The following MFSD6 variants were observed in gnomAD, a reference collection of about 807,000 sequenced individuals.
MFSD6 encodes major facilitator superfamily domain-containing protein 6.
MFSD6 carries 26 observed loss-of-function variants against 56.3 expected under a neutral mutation model. That is an observed-to-expected ratio of 0.46 (90% CI 0.34 to 0.64). The LOEUF is 0.64. Among genes scored for constraint, MFSD6 ranks in the 30% least tolerant of loss-of-function variants. MFSD6 has a pLI of 0.01. For missense variants in MFSD6, 750 were observed against 986.2 expected (o/e 0.76, Z 3.21); for synonymous variants, 331 against 366.9 (o/e 0.90, Z 1.12).
rs1690057126 is a variant in MFSD6, at chr2:190,502,218, GA to G, written c.*2001del. ...GCAGTCATTTCCAGCCTTGTGAGCT[GA>G]CACCTTCATGGGTTTGTGGACTTTG... On this transcript the variant is annotated 3_prime_UTR_variant, in exon 8 of 8. Transcript: ENST00000392328. The surrounding 1 kb of genome is among the most constrained non-coding windows in gnomAD (Gnocchi z 4.4). The G allele has an allele frequency of 1.3e-5, 2 of 152,096 alleles. No individual in the cohort carries two copies. Among genetic ancestry groups the G allele is most frequent in the South Asian group, 4.1e-4 (2 of 4,822 alleles). 9.4% of individuals were successfully genotyped at this position (152,096 alleles called of 1,614,324 possible).
In MFSD6 at chr2:190,474,410, A is replaced by G. The variant is rs867712626; in HGVS notation, c.1630+4555A>G. Among the ~76,000 whole-genome samples the G allele has an allele frequency of 3.3e-5, 5 of 152,372 alleles. No individual in the cohort carries two copies. In the South Asian group the frequency reaches 1.0e-3, roughly 32 times the overall value. ...TCACCACCGATCCCACAGAAATACA[A>G]ACTACCATCAGAGAATACTATAAAC... On this transcript the variant is annotated intron_variant, in intron 4 of 7. Transcript: ENST00000392328.
In MFSD6 at chr2:190,499,869, A is replaced by G. The variant is rs1454026468; in HGVS notation, c.2173-146A>G. 7 of 1,551,692 alleles carry G rather than the reference A, an allele frequency of 4.5e-6. No homozygotes were observed. The highest frequency in any genetic ancestry group is 6.1e-6 in the Non-Finnish European group (7 of 1,147,318). Reference sequence around the variant, plus strand: ...AAGGAGATGAAAGGTAAGACATTCTATCCTTATTCCTCTATTACTTGGTCC... The same window carrying G: ...AAGGAGATGAAAGGTAAGACATTCTGTCCTTATTCCTCTATTACTTGGTCC... On this transcript the variant is annotated intron_variant, in intron 7 of 7. Coordinates refer to ENST00000392328, the MANE Select transcript of MFSD6 (RefSeq NM_017694.4). The surrounding 1 kb of genome is among the most constrained non-coding windows in gnomAD (Gnocchi z 6.0).
At chr2:190,409,295 A>G (rs989150485) in intron 1 of MFSD6, among the ~76,000 whole-genome samples, 1 of 152,184 alleles carries the variant, frequency 6.6e-6, no homozygotes, top group African/African-American at 2.4e-5. Context: ...CGTTAATCCC[A>G]TCCCCACATG....
chr2:190,437,247 G>A lies in MFSD6; in HGVS notation c.1218G>A (p.Val406=). ...ACGATGATTCTAAAGGGAAAGAGGT[G>A]GAGATCCCGCAGGTGGAAAGGAACA... is the stretch of plus-strand genomic sequence containing the variant. The part of the protein sequence containing the change: ...FKNDDSKGKE[V]EIPQVERNNS... Residue 406 remains valine, a synonymous_variant, in exon 3 of 8, where the codon GTG becomes GTA. Transcript: ENST00000392328. The surrounding 1 kb of genome is among the most constrained non-coding windows in gnomAD (Gnocchi z 5.9). 6.2e-7 allele frequency: 1 copy of A among 1,614,190 alleles called. No homozygotes were observed. Among genetic ancestry groups the A allele is most frequent in the Non-Finnish European group, 8.5e-7 (1 of 1,180,038 alleles).
rs1169968425 is a variant in MFSD6, at chr2:190,438,567, C to G, written c.1532+1006C>G. ...TAGTGTTTCTTGTTGTGTACTATTT[C>G]TTCTCACCATTAATGTGCACCTTGC... On this transcript the variant is annotated intron_variant, in intron 3 of 7. Transcript: ENST00000392328. The surrounding 1 kb of genome is among the most constrained non-coding windows in gnomAD (Gnocchi z 5.2). Among the ~76,000 whole-genome samples the G allele has an allele frequency of 6.6e-6, 1 of 152,160 alleles. No homozygotes were observed. The highest frequency in any genetic ancestry group is 1.5e-5 in the Non-Finnish European group (1 of 68,026).
chr2:190,419,204 C>A (rs1320191991), intron 2 of MFSD6, among the ~76,000 whole-genome samples: 1 of 152,128 alleles, frequency 6.6e-6, no homozygotes, highest in Non-Finnish European at 1.5e-5. Flanking sequence ...AAAGCTCTAT[C>A]CTGGAAGAAG....
At chr2:190,429,037 T>C (rs372204451) in intron 2 of MFSD6, among the ~76,000 whole-genome samples, 2 of 152,124 alleles carry the variant, frequency 1.3e-5, no homozygotes, top group African/African-American at 2.4e-5. Flanking sequence ...TTTTAATGCT[T>C]TCACTGGCGA....
At position 190,437,589 on chromosome 2, in the gene MFSD6, C is replaced by G. The variant is rs779714480; in HGVS notation, c.1532+28C>G. On this transcript the variant is annotated intron_variant, in intron 3 of 7. Coordinates refer to ENST00000392328, the MANE Select transcript of MFSD6 (RefSeq NM_017694.4). The surrounding 1 kb of genome is among the most constrained non-coding windows in gnomAD (Gnocchi z 5.9). ...AAGAACATGCTTACGATTGCTGCCC[C>G]TCAGCAATTGAACTTTATCTTTTTA... is the stretch of plus-strand genomic sequence containing the variant. The G allele has an allele frequency of 6.3e-7, 1 of 1,591,896 alleles. No individual in the cohort carries two copies. Among genetic ancestry groups the G allele is most frequent in the South Asian group, 1.1e-5 (1 of 88,888 alleles).
rs1362339683 is a variant in MFSD6, at chr2:190,436,873, C to A, written c.844C>A (p.Gln282Lys). The change falls in exon 3 of 8, where the codon CAA becomes AAA. Residue 282 changes from glutamine (Q) to lysine (K), a missense_variant. Physicochemically the swap from Gln to Lys is moderately conservative, Grantham distance 53. Around this residue, in one of 5 missense-constraint regions of MFSD6, gnomAD observed 376 missense variants for 437.9 expected, o/e 0.86. Coordinates refer to ENST00000392328, the MANE Select transcript of MFSD6 (RefSeq NM_017694.4). The surrounding 1 kb of genome is among the most constrained non-coding windows in gnomAD (Gnocchi z 5.3). ...CCAAGTCATGCTTGTTTATGATCAA[C>A]AAGAAGTTGAAGCTATATTCTTGGT... Reference protein sequence around the residue: ...SDQVMLVYDQQEVEAIFLVIL... With the variant: ...SDQVMLVYDQKEVEAIFLVIL... 2 of 1,614,222 alleles carry A rather than the reference C, an allele frequency of 1.2e-6. No individual in the cohort carries two copies. The highest frequency in any genetic ancestry group is 2.2e-5 in the South Asian group (2 of 91,086).
intron 3 of MFSD6, among the ~76,000 whole-genome samples, chr2:190,450,632 A>C (rs1033682998): frequency 7.3e-5 from 11 of 151,706 alleles, no homozygotes; most frequent in African/African-American, 2.2e-4. Context: ...AGCACAGACT[A>C]CAGGCATGTG....
In MFSD6 at chr2:190,488,266, A is replaced by G. The variant is rs930604176; in HGVS notation, c.1631-391A>G. 1.1e-4 allele frequency among the ~76,000 whole-genome samples: 17 copies of G among 152,380 alleles called. No individual in the cohort carries two copies. In the East Asian group the frequency reaches 3.3e-3, roughly 29 times the overall value. ...CCAGGTTGATAGCAGCATTAATCAAAGTAGCAGAAGGAAACAACAAATGTC... is the reference window on the plus strand; with the variant it reads ...CCAGGTTGATAGCAGCATTAATCAAGGTAGCAGAAGGAAACAACAAATGTC... On this transcript the variant is annotated intron_variant, in intron 4 of 7. Coordinates refer to ENST00000392328, the MANE Select transcript of MFSD6 (RefSeq NM_017694.4). The surrounding 1 kb of genome is among the most constrained non-coding windows in gnomAD (Gnocchi z 6.4).
At chr2:190,411,315 A>G in intron 1 of MFSD6, 1 of 400,072 alleles carries the variant, frequency 2.5e-6, no homozygotes, top group Non-Finnish European at 3.4e-6. Flanking sequence ...ACATGCCACC[A>G]GGCTCAGCTA....
In MFSD6 at chr2:190,456,430, G is replaced by A. The variant is rs1362140895; in HGVS notation, c.1533-13328G>A. ...TGGCCTGGCTCAGACTCTTCGTTGT[G>A]AGATCTGTGGAGCCGCATCAGGAAT... is the stretch of plus-strand genomic sequence containing the variant. On this transcript the variant is annotated intron_variant, in intron 3 of 7. Coordinates refer to ENST00000392328, the MANE Select transcript of MFSD6 (RefSeq NM_017694.4). This position sits in a 1 kb window ranked among gnomAD's most constrained non-coding sequence, Gnocchi z 5.4. Among the ~76,000 whole-genome samples the A allele has an allele frequency of 1.3e-5, 2 of 152,214 alleles. No individual in the cohort carries two copies. The highest frequency in any genetic ancestry group is 4.8e-5 in the African/African-American group (2 of 41,456).
intron 4 of MFSD6, among the ~76,000 whole-genome samples, chr2:190,484,613 C>G (rs1425904191): frequency 2.0e-5 from 3 of 152,066 alleles, no homozygotes; most frequent in Non-Finnish European, 4.4e-5. Flanking sequence ...AAAACATTGG[C>G]AAGAGCTTCA....
intron 3 of MFSD6, among the ~76,000 whole-genome samples, chr2:190,453,365 A>G (rs2125093307): frequency 6.6e-6 from 1 of 152,212 alleles, no homozygotes; most frequent in East Asian, 1.9e-4. Flanking sequence ...GCCCATTGGA[A>G]AGTTGCATTG....
In MFSD6 at chr2:190,441,307, G is replaced by A. The variant is rs1052698254; in HGVS notation, c.1532+3746G>A. On this transcript the variant is annotated intron_variant, in intron 3 of 7. Coordinates refer to ENST00000392328, the MANE Select transcript of MFSD6 (RefSeq NM_017694.4). ...TCAACTCACCAAGAGAGCTTTTAAA[G>A]CTCCTAATGCCCAGGTTGCACCCAG... is the stretch of plus-strand genomic sequence containing the variant. Among the ~76,000 whole-genome samples the A allele has an allele frequency of 3.3e-5, 5 of 152,132 alleles. No individual in the cohort carries two copies. The East Asian group carries it at 9.7e-4, about 29-fold the overall frequency.
chr2:190,425,748 T>G lies in MFSD6; in HGVS notation c.-53-10229T>G, dbSNP rs1333827648. Among the ~76,000 whole-genome samples, 1 of 152,212 alleles carries G rather than the reference T, an allele frequency of 6.6e-6. No individual in the cohort carries two copies. The highest frequency in any genetic ancestry group is 1.5e-5 in the Non-Finnish European group (1 of 68,036). On this transcript the variant is annotated intron_variant, in intron 2 of 7. Transcript: ENST00000392328. The surrounding 1 kb of genome is among the most constrained non-coding windows in gnomAD (Gnocchi z 4.3). ...TTTTTATATGTTGCTAAATTCTCTTTTCTAATATTTTCTTAAGGGTTCTTG... is the reference window on the plus strand; with the variant it reads ...TTTTTATATGTTGCTAAATTCTCTTGTCTAATATTTTCTTAAGGGTTCTTG...
chr2:190,495,242 C>T lies in MFSD6; in HGVS notation c.1892-2197C>T, dbSNP rs989778093. ...GAGAATCAAATCAAGAACCCAACACCTTTTATAATAGCTGCAAAAAATAAA... is the reference window on the plus strand; with the variant it reads ...GAGAATCAAATCAAGAACCCAACACTTTTTATAATAGCTGCAAAAAATAAA... On this transcript the variant is annotated intron_variant, in intron 6 of 7. Transcript: ENST00000392328. The surrounding 1 kb of genome is among the most constrained non-coding windows in gnomAD (Gnocchi z 4.7). Among the ~76,000 whole-genome samples, 2 of 152,118 alleles carry T rather than the reference C, an allele frequency of 1.3e-5. No individual in the cohort carries two copies. Among genetic ancestry groups the T allele is most frequent in the Admixed American group, 1.3e-4 (2 of 15,270 alleles).
intron 1 of MFSD6, chr2:190,411,524 T>A: frequency 1.0e-6 from 1 of 985,366 alleles, no homozygotes; most frequent in African/African-American, 1.7e-5. Flanking sequence ...TTTTACCTTA[T>A]AAAGTTATGT....
Sources: allele counts gnomAD v4.1 joint callset (sites outside exome capture counted in the v4.1 genomes callset), GRCh38; gene constraint gnomAD v4.1.1; regional missense constraint gnomAD v4.1.1; non-coding constraint Gnocchi (gnomAD v3.1); transcripts MANE v1.5; gene names NCBI Gene and HGNC (gene_info 2026-07-23, HGNC 2026-07-21).